Variants in IQANK1 observed in about 807,000 individuals in gnomAD.
IQANK1 encodes the protein IQ motif and ankyrin repeat domain-containing protein 1.
IQANK1 carries 30 observed loss-of-function variants against 22.6 expected under a neutral mutation model. The ratio of observed to expected loss-of-function variants is 1.33; its 90% CI spans 0.99 to 1.80. IQANK1 has a LOEUF of 1.80. IQANK1 is among the 40% of genes most tolerant of loss of function. The pLI is 0.00. For missense variants in IQANK1, 275 were observed against 235.2 expected (o/e 1.17, Z -1.11); for synonymous variants, 122 against 99.6 (o/e 1.23, Z -1.34).
chr8:143,787,763 T>G (rs1174161065), intron 7 of IQANK1, among the ~76,000 whole-genome samples: 2 of 152,080 alleles, frequency 1.3e-5, no homozygotes, highest in East Asian at 3.9e-4. Flanking sequence ...CTCCTTCCCC[T>G]CATCCTGTCT....
intron 3 of IQANK1, chr8:143,759,576 G>C (rs148649987): frequency 6.6e-6 from 1 of 152,238 alleles, no homozygotes; most frequent in Non-Finnish European, 1.5e-5. Context: ...ATGTCAATTT[G>C]CTCTGGAAAA....
intron 7 of IQANK1, among the ~76,000 whole-genome samples, chr8:143,787,660 C>T (rs1426668088): frequency 6.6e-6 from 1 of 152,280 alleles, no homozygotes; most frequent in East Asian, 1.9e-4. Flanking sequence ...ACTCATCCTG[C>T]CCCCGCTCTT....
intron 7 of IQANK1, among the ~76,000 whole-genome samples, chr8:143,776,340 A>AAAAAAAG (rs1819686372): frequency 1.4e-5 from 2 of 147,812 alleles, no homozygotes; most frequent in Non-Finnish European, 3.0e-5. Context: ...AAAAAAAAAA[A>AAAAAAAG]AAAAAGAAAA....
Position 143,774,798 on chromosome 8 carries a change from C to T in IQANK1, c.789+2316C>T. The stretch of plus-strand genomic sequence containing the variant: ...GCTCCACTAGCTTGGTGCATTCCTG[C>T]CACGAAACACGCTTGGCAATAAAAC... On this transcript the variant is annotated intron_variant, in intron 7 of 13. Transcript: ENST00000527139. The surrounding 1 kb of genome is among the most constrained non-coding windows in gnomAD (Gnocchi z 4.2). Among the ~76,000 whole-genome samples the T allele has an allele frequency of 6.6e-6, 1 of 152,202 alleles. No individual in the cohort carries two copies. Among genetic ancestry groups the T allele is most frequent in the East Asian group, 1.9e-4 (1 of 5,204 alleles).
chr8:143,780,733 G>A (rs1819781686), intron 7 of IQANK1, among the ~76,000 whole-genome samples: 2 of 152,156 alleles, frequency 1.3e-5, no homozygotes, highest in Non-Finnish European at 2.9e-5. Flanking sequence ...TCACTGATGG[G>A]CATTTAGGTT....
intron 2 of IQANK1, among the ~76,000 whole-genome samples, chr8:143,736,351 A>G (rs1818738971): frequency 6.6e-6 from 1 of 151,950 alleles, no homozygotes; most frequent in African/African-American, 2.4e-5. Context: ...CGCCACATTG[A>G]CCAGGCTGGT....
At position 143,789,057 on chromosome 8, in the gene IQANK1, G is replaced by A. The variant is rs1819954204; in HGVS notation, c.932G>A (p.Cys311Tyr). Residue 311 changes from cysteine to tyrosine, a missense_variant, in exon 8 of 14, where the codon TGT becomes TAT. Physicochemically the swap from Cys to Tyr is radical, Grantham distance 194. Coordinates refer to ENST00000527139, the MANE Select transcript of IQANK1 (RefSeq NM_001381874.1). ...CACAAGGAGGCCGAGGCTGAGCGGT[G>A]TGGAAGGCAGGAGGGGTGTGGGAGG... ...QRHKEAEAER[C>Y]GSMTLKVQQL... 2 of 401,110 alleles carry A rather than the reference G, an allele frequency of 5.0e-6. No homozygotes were observed. The highest frequency in any genetic ancestry group is 8.8e-6 in the Non-Finnish European group (2 of 227,406). The allele number at this position is 401,110 out of a possible 1,614,324, so 24.8% of individuals were successfully genotyped here.
At chr8:143,750,419 T>C (rs1329514402) in intron 3 of IQANK1, among the ~76,000 whole-genome samples, 1 of 152,234 alleles carries the variant, frequency 6.6e-6, no homozygotes, top group Non-Finnish European at 1.5e-5. Flanking sequence ...TCAATGTTTG[T>C]GTTTTTCAAT....
At chr8:143,753,583 A>G (rs1819236515) in intron 3 of IQANK1, among the ~76,000 whole-genome samples, 1 of 150,994 alleles carries the variant, frequency 6.6e-6, no homozygotes, top group African/African-American at 2.4e-5. Flanking sequence ...CCTCCCAAGT[A>G]GCTGAGATTA....
rs1554629862 is a variant in IQANK1, at chr8:143,772,258, CCGCGGGCCGCCGCGCTGAGGGG to C, written c.663+21_663+42del. 2.3e-5 allele frequency: 9 copies of C among 397,344 alleles called. No individual in the cohort carries two copies. In the East Asian group the frequency reaches 3.2e-4, roughly 14 times the overall value. The allele number at this position is 397,344 out of a possible 1,614,324, so 24.6% of individuals were successfully genotyped here. On this transcript the variant is annotated intron_variant, in intron 6 of 13. Transcript: ENST00000527139. ...CCAACAGCAAGGTGGGCGCCGTGGG[CCGCGGGCCGCCGCGCTGAGGGG>C]CGCGGTCCAGGGCCCTCAGGGGCCT...
intron 3 of IQANK1, among the ~76,000 whole-genome samples, chr8:143,747,830 A>G (rs1819059332): frequency 1.3e-5 from 2 of 151,886 alleles, no homozygotes; most frequent in African/African-American, 4.8e-5. Context: ...TATCCCATGT[A>G]CACTTGAGAA....
chr8:143,770,206 G>T (rs1234170308), intron 3 of IQANK1, among the ~76,000 whole-genome samples: 1 of 152,226 alleles, frequency 6.6e-6, no homozygotes, highest in African/African-American at 2.4e-5. Context: ...TAACTTCAGC[G>T]AATTGTGTCT....
intron 3 of IQANK1, among the ~76,000 whole-genome samples, chr8:143,746,833 A>G (rs138761076): frequency 1.4e-4 from 22 of 152,230 alleles, no homozygotes; most frequent in African/African-American, 4.8e-4. Flanking sequence ...GTTGGCATAT[A>G]ATTGTTCAGA....
intron 10 of IQANK1, 34 bp downstream of exon 10, chr8:143,789,562 C>A (rs941270895): frequency 1.6e-6 from 2 of 1,231,910 alleles, no homozygotes; most frequent in South Asian, 8.2e-5. Flanking sequence ...TATGCCCCTG[C>A]GTCCTCAACA....
intron 3 of IQANK1, chr8:143,742,598 C>T (rs1554626717): frequency 2.2e-6 from 1 of 456,096 alleles, no homozygotes; most frequent in Non-Finnish European, 4.4e-6. Flanking sequence ...GGAAACCCAG[C>T]CTGGGAAGGC....
intron 3 of IQANK1, chr8:143,742,725 A>G (rs1231561699): frequency 6.6e-6 from 3 of 455,988 alleles, no homozygotes; most frequent in Non-Finnish European, 1.3e-5. Flanking sequence ...CAGAGGATAC[A>G]CAACCACCCT....
At chr8:143,738,384 TCCTG>T (rs1449773426) in intron 2 of IQANK1, among the ~76,000 whole-genome samples, 2 of 152,136 alleles carry the variant, frequency 1.3e-5, no homozygotes, top group Non-Finnish European at 2.9e-5. Context: ...CTGTTCCAGG[TCCTG>T]CCCCTTGCTG....
At chr8:143,763,289 C>T (rs990508365) in intron 3 of IQANK1, among the ~76,000 whole-genome samples, 1 of 152,232 alleles carries the variant, frequency 6.6e-6, no homozygotes. Flanking sequence ...GCTGGGATTA[C>T]AGGCGTGAGC....
chr8:143,765,698 GT>G (rs1290106003), intron 3 of IQANK1, among the ~76,000 whole-genome samples: 27 of 152,152 alleles, frequency 1.8e-4, no homozygotes, highest in African/African-American at 6.5e-4. Flanking sequence ...ATAAGCAGAA[GT>G]TTTACATTTT....
Sources: allele counts gnomAD v4.1 joint callset (sites outside exome capture counted in the v4.1 genomes callset), GRCh38; gene constraint gnomAD v4.1.1; non-coding constraint Gnocchi (gnomAD v3.1); transcripts MANE v1.5; gene names NCBI Gene and HGNC (gene_info 2026-07-23, HGNC 2026-07-21).